Variants in ZKSCAN2 observed in about 807,000 individuals in gnomAD.
ZKSCAN2 encodes the protein zinc finger with KRAB and SCAN domains 2.
Under a neutral mutation model 90.5 loss-of-function variants are expected in ZKSCAN2, and 38 were observed. That is an observed-to-expected ratio of 0.42 (90% confidence interval 0.32 to 0.55). The LOEUF is 0.55. Ranked by LOEUF, ZKSCAN2 falls within the 20% of genes least tolerant of loss-of-function variation. The probability of loss-of-function intolerance (pLI) is 0.11; values close to 1 mark genes in which losing one functional copy is unlikely to be tolerated. For missense variants in ZKSCAN2, 1,167 were observed against 1,202.6 expected (o/e 0.97, Z 0.44); for synonymous variants, 429 against 421.6 (o/e 1.02, Z -0.22).
In ZKSCAN2 at chr16:25,244,183, C is replaced by G; in HGVS notation, c.1583G>C (p.Ser528Thr). Residue 528 changes from serine to threonine, a missense_variant, in exon 6 of 7, where the codon AGC becomes ACC. Physicochemically the swap from Ser to Thr is moderately conservative, Grantham distance 58. Transcript: ENST00000328086. Reference protein sequence around the residue: ...YEALQACHRKSKLYGAVAEQL... With the variant: ...YEALQACHRKTKLYGAVAEQL... The stretch of plus-strand genomic sequence containing the variant: ...TTCAGCTACAGCCCCATACAATTTG[C>G]TCTTCCGATGACAGGCTTGAAGCGC... 1 of 1,614,190 alleles carries G rather than the reference C, an allele frequency of 6.2e-7. No homozygotes were observed. Among genetic ancestry groups the G allele is most frequent in the Non-Finnish European group, 8.5e-7 (1 of 1,180,032 alleles).
At chr16:25,254,960 A>ATT (rs201974879) in intron 2 of ZKSCAN2, among the ~76,000 whole-genome samples, 2 of 140,642 alleles carry the variant, frequency 1.4e-5, no homozygotes, top group Admixed American at 7.1e-5. Context: ...CACCTGGCTA[A>ATT]TATTTTTTTT....
At chr16:25,255,639 T>C (rs1038817151) in intron 1 of ZKSCAN2, among the ~76,000 whole-genome samples, 3 of 152,216 alleles carry the variant, frequency 2.0e-5, no homozygotes, top group Non-Finnish European at 4.4e-5. Flanking sequence ...TGGAGTGCAA[T>C]GGCACGATCT....
intron 6 of ZKSCAN2, among the ~76,000 whole-genome samples, chr16:25,243,108 A>ACACCCCATATAACCATAAGATATTCTTC (rs1258902528): frequency 6.6e-6 from 1 of 152,216 alleles, no homozygotes; most frequent in African/African-American, 2.4e-5. Context: ...TTTGTCTTGC[A>ACACCCCATATAACCATAAGATATTCTTC]CACCCCATAT....
intron 6 of ZKSCAN2, 81 bp from the exon 7 acceptor site, chr16:25,240,819 C>T: frequency 8.7e-7 from 1 of 1,152,960 alleles, no homozygotes; most frequent in Non-Finnish European, 1.2e-6. Context: ...GCTTGATCCG[C>T]TTGCTCTCCA....
rs749786483 is a variant in ZKSCAN2 at position 25,255,433 on chromosome 16, G to A, written c.400-41C>T. On this transcript the variant is annotated intron_variant, in intron 1 of 6. Transcript: ENST00000328086. ...AATACCATAAGAGGGAGTAAAACAGGCCCATATCAGGGCGAAATTCTCCCA... is the reference window on the plus strand; with the variant it reads ...AATACCATAAGAGGGAGTAAAACAGACCCATATCAGGGCGAAATTCTCCCA... 8 of 1,566,266 alleles carry A rather than the reference G, an allele frequency of 5.1e-6. No homozygotes were observed. In the South Asian group the frequency reaches 8.2e-5, roughly 16 times the overall value.
At position 25,244,164 on chromosome 16, in the gene ZKSCAN2, T is replaced by G. The variant is rs1476467159; in HGVS notation, c.1602A>C (p.Val534=). The G allele has an allele frequency of 6.2e-7, 1 of 1,614,166 alleles. No homozygotes were observed. Among genetic ancestry groups the G allele is most frequent in the Non-Finnish European group, 8.5e-7 (1 of 1,180,022 alleles). The change falls in exon 6 of 7, where the codon GTA becomes GTC. Residue 534 remains valine (V), a synonymous_variant. Transcript: ENST00000328086. ...AGCCGCACTCTCGAAGCTGTTCAGCTACAGCCCCATACAATTTGCTCTTCC... is the reference window on the plus strand; with the variant it reads ...AGCCGCACTCTCGAAGCTGTTCAGCGACAGCCCCATACAATTTGCTCTTCC... ...CHRKSKLYGA[V]AEQLRECGFL...
chr16:25,251,399 T>C (rs921196035), intron 4 of ZKSCAN2, among the ~76,000 whole-genome samples: 11 of 152,138 alleles, frequency 7.2e-5, no homozygotes, highest in African/African-American at 2.4e-4. Context: ...TAAGTATTTA[T>C]TGAAAACAAA....
rs1454144182 is a variant in ZKSCAN2 at position 25,239,082 on chromosome 16, G to C, written c.*734C>G. On this transcript the variant is annotated 3_prime_UTR_variant, in exon 7 of 7. Transcript: ENST00000328086. ...AAGTGCAGGGCTATGAGAAACAGTAGGAGGACCTGGGATTACTTATAGGCT... is the reference window on the plus strand; with the variant it reads ...AAGTGCAGGGCTATGAGAAACAGTACGAGGACCTGGGATTACTTATAGGCT... 6.5e-6 allele frequency: 1 copy of C among 152,742 alleles called. No homozygotes were observed. Among genetic ancestry groups the C allele is most frequent in the East Asian group, 1.9e-4 (1 of 5,194 alleles). The allele number at this position is 152,742 out of a possible 1,614,324, so 9.5% of individuals were successfully genotyped here.
intron 4 of ZKSCAN2, among the ~76,000 whole-genome samples, chr16:25,251,134 C>G (rs904923948): frequency 6.6e-6 from 1 of 151,870 alleles, no homozygotes; most frequent in Non-Finnish European, 1.5e-5. Flanking sequence ...GTAGAAGAAC[C>G]TAATTTCCAA....
At chr16:25,256,177 G>A (rs1204637796) in intron 1 of ZKSCAN2, among the ~76,000 whole-genome samples, 7 of 152,170 alleles carry the variant, frequency 4.6e-5, no homozygotes, top group African/African-American at 7.2e-5. Flanking sequence ...TCATGAAAGT[G>A]AGGTTGAAGA....
At position 25,238,941 on chromosome 16, in the gene ZKSCAN2, T is replaced by C. The variant is rs1002869269; in HGVS notation, c.*875A>G. On this transcript the variant is annotated 3_prime_UTR_variant, in exon 7 of 7. Transcript: ENST00000328086. ...AGTTAGAGGATAGAACTAGAACGCA[T>C]CTGAAATCCTACTTTGCTTTAGTGA... is the stretch of plus-strand genomic sequence containing the variant. 6.6e-6 allele frequency: 1 copy of C among 152,400 alleles called. No homozygotes were observed. Among genetic ancestry groups the C allele is most frequent in the African/African-American group, 2.4e-5 (1 of 41,434 alleles). The allele number at this position is 152,400 out of a possible 1,614,324, so 9.4% of individuals were successfully genotyped here.
intron 1 of ZKSCAN2, among the ~76,000 whole-genome samples, chr16:25,255,952 T>C (rs1963095320): frequency 6.6e-6 from 1 of 152,234 alleles, no homozygotes; most frequent in African/African-American, 2.4e-5. Context: ...GTTGCTAGAA[T>C]AGATATTATT....
At chr16:25,256,564 C>T (rs1032630290) in intron 1 of ZKSCAN2, among the ~76,000 whole-genome samples, 165 bp downstream of exon 1, 6 of 152,094 alleles carry the variant, frequency 3.9e-5, no homozygotes, top group African/African-American at 1.4e-4. Flanking sequence ...TTCTGATCCC[C>T]TTTTAAGTGG....
Position 25,257,605 on chromosome 16 carries a change from G to C in ZKSCAN2, c.-478C>G. 1 of 742,988 alleles carries C rather than the reference G, an allele frequency of 1.3e-6. No individual in the cohort carries two copies. Among genetic ancestry groups the C allele is most frequent in the Non-Finnish European group, 1.6e-6 (1 of 608,466 alleles). 46.0% of individuals were successfully genotyped at this position (742,988 alleles called of 1,614,324 possible). A position where few individuals can be genotyped will look rare whatever the true frequency, so the allele number is the denominator to read the frequency against. On this transcript the variant is annotated 5_prime_UTR_variant, in exon 1 of 7. Coordinates refer to ENST00000328086, the MANE Select transcript of ZKSCAN2 (RefSeq NM_001012981.5). ...TTCCGGGCTCGGGTCACCGCAGCAC[G>C]TCCAGGCCGCCGCGGGTGCCGCTGG...
chr16:25,245,626 C>T (rs370729122), intron 5 of ZKSCAN2, among the ~76,000 whole-genome samples: 3 of 151,834 alleles, frequency 2.0e-5, no homozygotes, highest in Admixed American at 6.6e-5. Context: ...ATTAGCCAGG[C>T]GTGGTGGTGG....
chr16:25,257,368 A>T lies in ZKSCAN2; in HGVS notation c.-241T>A. On this transcript the variant is annotated 5_prime_UTR_variant, in exon 1 of 7. Transcript: ENST00000328086. ...TTCTCCAAACAAGATGTGACCGCGC[A>T]ATGTGGTTTTCCAGAGTGCATCCCT... 8.0e-7 allele frequency: 1 copy of T among 1,253,562 alleles called. No homozygotes were observed. Among genetic ancestry groups the T allele is most frequent in the African/African-American group, 1.5e-5 (1 of 65,228 alleles). 77.7% of individuals were successfully genotyped at this position (1,253,562 alleles called of 1,614,324 possible). A position where few individuals can be genotyped will look rare whatever the true frequency, so the allele number is the denominator to read the frequency against.
intron 4 of ZKSCAN2, among the ~76,000 whole-genome samples, chr16:25,250,088 A>C (rs1344839882): frequency 6.6e-6 from 1 of 152,214 alleles, no homozygotes; most frequent in Admixed American, 6.5e-5. Flanking sequence ...AGGTAGGTGG[A>C]TCACAAGGTC....
chr16:25,252,056 A>G (rs768299796), intron 3 of ZKSCAN2, 21 bp from the exon 4 acceptor site: 3 of 1,613,004 alleles, frequency 1.9e-6, no homozygotes, highest in East Asian at 2.2e-5. Context: ...ACTAACACCA[A>G]TGACTACCAA....
At position 25,255,293 on chromosome 16, in the gene ZKSCAN2, C is replaced by T; in HGVS notation, c.499G>A (p.Val167Met). 3.7e-6 allele frequency: 6 copies of T among 1,613,804 alleles called. No homozygotes were observed. The highest frequency in any genetic ancestry group is 4.2e-6 in the Non-Finnish European group (5 of 1,179,942). ...AGGCTTCCAGGTTCCTCCCGAGACA[C>T]CGCCCTGGGTTGGGTCTCCACCTGC... ...PEQVETQPRAVSREEPGSLHS... is the reference protein window; with the variant it reads ...PEQVETQPRAMSREEPGSLHS... Residue 167 changes from valine to methionine, a missense_variant, in exon 2 of 7, where the codon GTG becomes ATG. Physicochemically the swap from Val to Met is conservative, Grantham distance 21. Transcript: ENST00000328086.
Sources: allele counts gnomAD v4.1 joint callset (sites outside exome capture counted in the v4.1 genomes callset), GRCh38; gene constraint gnomAD v4.1.1; transcripts MANE v1.5; gene names NCBI Gene and HGNC (gene_info 2026-07-23, HGNC 2026-07-21).